Variants in CTBP1 observed in about 807,000 individuals in gnomAD.
CTBP1 encodes the protein C-terminal-binding protein 1.
Under a neutral mutation model 42.1 loss-of-function variants are expected in CTBP1, and 11 were observed. The observed-to-expected ratio is 0.26, with a 90% CI of 0.16 to 0.43. The LOEUF (loss-of-function observed/expected upper bound fraction) is 0.43. Among genes scored for constraint, CTBP1 ranks in the 20% least tolerant of loss-of-function variants. The pLI, the probability that CTBP1 is intolerant of heterozygous loss-of-function variation, is 1.00. For missense variants in CTBP1, 399 were observed against 624.3 expected (o/e 0.64, Z 3.85); for synonymous variants, 324 against 277.1 (o/e 1.17, Z -1.68).
In CTBP1 at chr4:1,244,044, G is replaced by C. The variant is rs1031350948; in HGVS notation, c.-188-2525C>G. 3 of 985,328 alleles carry C rather than the reference G, an allele frequency of 3.0e-6. No individual in the cohort carries two copies. In the African/African-American group the frequency reaches 5.2e-5, roughly 17 times the overall value. 61.0% of individuals were successfully genotyped at this position (985,328 alleles called of 1,614,324 possible). A position where few individuals can be genotyped will look rare whatever the true frequency, so the allele number is the denominator to read the frequency against. Reference sequence around the variant, plus strand: ...AAAACTGATTTTAAAGTAAATGGGGGTGAGGTGAGGGGCAGCAGCCCCCAG... The same window carrying C: ...AAAACTGATTTTAAAGTAAATGGGGCTGAGGTGAGGGGCAGCAGCCCCCAG... On this transcript the variant is annotated intron_variant, in intron 1 of 9. Transcript: ENST00000382952.
upstream of CTBP1, chr4:1,249,665 G>T: frequency 2.4e-6 from 1 of 425,346 alleles, no homozygotes; most frequent in African/African-American, 2.1e-5. Context: ...AGAGCCGGCG[G>T]CACATGGGAC....
At chr4:1,228,025 GA>G (rs1730567665) in intron 4 of CTBP1, among the ~76,000 whole-genome samples, 173 bp downstream of exon 4, 1 of 152,198 alleles carries the variant, frequency 6.6e-6, no homozygotes, top group Admixed American at 6.5e-5. Context: ...GCTCTGTGAG[GA>G]ACTGAATGGC....
At chr4:1,216,341 A>C in intron 5 of CTBP1, 136 bp from the exon 6 acceptor site, 1 of 890,354 alleles carries the variant, frequency 1.1e-6, no homozygotes, top group Non-Finnish European at 1.7e-6. Context: ...TGGTCAAGCC[A>C]AGGTGCCCAC....
chr4:1,223,589 G>T, intron 5 of CTBP1: 1 of 430,356 alleles, frequency 2.3e-6, no homozygotes, highest in Non-Finnish European at 4.7e-6. Flanking sequence ...TCCCCATGGG[G>T]CCTCCTGAGG....
chr4:1,237,918 C>T (rs536415642), intron 3 of CTBP1: 43 of 700,158 alleles, frequency 6.1e-5, no homozygotes, highest in African/African-American at 4.1e-4. Context: ...TCAGGACAAA[C>T]GTGGTGTCCA....
At chr4:1,236,539 C>T in intron 3 of CTBP1, 1 of 634,012 alleles carries the variant, frequency 1.6e-6, no homozygotes, top group Non-Finnish European at 2.9e-6. Flanking sequence ...ACCCGGTGTC[C>T]ACCTCCTGAT....
rs112643503 is a variant in CTBP1 at position 1,230,462 on chromosome 4, C to T, written c.163-2119G>A. Among the ~76,000 whole-genome samples, 409 of 152,274 alleles carry T rather than the reference C, an allele frequency of 2.7e-3. 1 individual carries two copies. Among genetic ancestry groups the T allele is most frequent in the African/African-American group, 8.3e-3 (347 of 41,570 alleles). On this transcript the variant is annotated intron_variant, in intron 3 of 9. Transcript: ENST00000382952. ...GGGCAGGAGGGGCTGCGCATGCGAG[C>T]GGTGGGCAGAGGCGCAGTGGGAGAT...
chr4:1,212,684 C>T, intron 9 of CTBP1: 1 of 611,188 alleles, frequency 1.6e-6, no homozygotes. Flanking sequence ...GGCCCCGTGC[C>T]CATGGCACTC....
In CTBP1 at chr4:1,213,693, G is replaced by T; in HGVS notation, c.861-88C>A. ...TGGCTGGGCACTGGAACCCCCTGTGGGGGGCCCTGCCTGGGAACCACAGAC... is the reference window on the plus strand; with the variant it reads ...TGGCTGGGCACTGGAACCCCCTGTGTGGGGCCCTGCCTGGGAACCACAGAC... On this transcript the variant is annotated intron_variant, in intron 7 of 9. Coordinates refer to ENST00000382952, the MANE Select transcript of CTBP1 (RefSeq NM_001012614.2). The T allele has an allele frequency of 2.0e-6, 3 of 1,506,804 alleles. 1 individual carries two copies. The South Asian group carries it at 3.7e-5, about 19-fold the overall frequency. 93.3% of individuals were successfully genotyped at this position (1,506,804 alleles called of 1,614,324 possible).
Position 1,248,994 on chromosome 4 carries a change from C to T in CTBP1, c.-267G>A. ...CGGCCGCGGGCCCCGACCACTCCGG[C>T]GCGCTGCGCCGCCGCGAGCCCGGCG... On this transcript the variant is annotated 5_prime_UTR_variant, in exon 1 of 10. Transcript: ENST00000382952. 1.0e-6 allele frequency: 1 copy of T among 959,908 alleles called. No homozygotes were observed. The highest frequency in any genetic ancestry group is 1.8e-5 in the African/African-American group (1 of 55,934). 59.5% of individuals were successfully genotyped at this position (959,908 alleles called of 1,614,324 possible). A position where few individuals can be genotyped will look rare whatever the true frequency, so the allele number is the denominator to read the frequency against.
chr4:1,224,628 TGTG>T (rs1044267028), intron 5 of CTBP1, among the ~76,000 whole-genome samples: 9 of 150,598 alleles, frequency 6.0e-5, no homozygotes, highest in Admixed American at 3.3e-4. Flanking sequence ...GTATGTGTGC[TGTG>T]GTGTTGTGTG....
chr4:1,243,876 GAC>G, intron 1 of CTBP1: 1 of 985,474 alleles, frequency 1.0e-6, no homozygotes, highest in Non-Finnish European at 1.2e-6. Flanking sequence ...GCGACACGAG[GAC>G]AGTCTCCAGC....
At chr4:1,213,299 C>G (rs369123510) in intron 8 of CTBP1, among the ~76,000 whole-genome samples, 179 bp downstream of exon 8, 2 of 152,300 alleles carry the variant, frequency 1.3e-5, no homozygotes, top group Non-Finnish European at 2.9e-5. Context: ...GTGTAAGACA[C>G]GACGCCAGGG....
chr4:1,229,845 C>G (rs528988962), intron 3 of CTBP1, among the ~76,000 whole-genome samples: 229 of 152,312 alleles, frequency 1.5e-3, no homozygotes, highest in African/African-American at 5.2e-3. Flanking sequence ...TCCTGCCCAC[C>G]GCAGGGGACC....
intron 6 of CTBP1, among the ~76,000 whole-genome samples, chr4:1,215,388 C>G (rs1728999980): frequency 6.6e-6 from 1 of 152,268 alleles, no homozygotes. Flanking sequence ...TGCCCACACA[C>G]ATACACATCA....
At position 1,241,410 on chromosome 4, in the gene CTBP1, C is replaced by T. The variant is rs1347799028; in HGVS notation, c.-79G>A. ...TTATCTTCAGGATCCCCAGGCAGAACCGCGTCCTGTCTCGGAGCCTCATCC... is the reference window on the plus strand; with the variant it reads ...TTATCTTCAGGATCCCCAGGCAGAATCGCGTCCTGTCTCGGAGCCTCATCC... On this transcript the variant is annotated 5_prime_UTR_variant, in exon 2 of 10. Transcript: ENST00000382952. 4 of 1,339,890 alleles carry T rather than the reference C, an allele frequency of 3.0e-6. No homozygotes were observed. The highest frequency in any genetic ancestry group is 4.3e-6 in the Non-Finnish European group (4 of 929,790). The allele number at this position is 1,339,890 out of a possible 1,614,324, so 83.0% of individuals were successfully genotyped here. A position where few individuals can be genotyped will look rare whatever the true frequency, so the allele number is the denominator to read the frequency against.
chr4:1,222,881 C>T (rs980618130), intron 5 of CTBP1, among the ~76,000 whole-genome samples: 7 of 152,148 alleles, frequency 4.6e-5, no homozygotes, highest in Non-Finnish European at 8.8e-5. Context: ...AACACACCCA[C>T]CTACTCTTAC....
upstream of CTBP1, chr4:1,249,785 T>G (rs1680032): frequency 9.8e-5 from 26 of 264,366 alleles, no homozygotes; most frequent in Non-Finnish European, 2.1e-4. Flanking sequence ...GGAGAACCCC[T>G]TCCCCGACCC....
Position 1,242,504 on chromosome 4 carries a change from G to A in CTBP1, c.-188-985C>T. 3.0e-6 allele frequency: 3 copies of A among 985,082 alleles called. No homozygotes were observed. In the African/African-American group the frequency reaches 5.3e-5, roughly 17 times the overall value. 61.0% of individuals were successfully genotyped at this position (985,082 alleles called of 1,614,324 possible). ...GCCGCCCCTGCGCAGAGGCCTCGCA[G>A]ACAAATCTCCAACCCTCAACTCCCT... On this transcript the variant is annotated intron_variant, in intron 1 of 9. Coordinates refer to ENST00000382952, the MANE Select transcript of CTBP1 (RefSeq NM_001012614.2).
Sources: allele counts gnomAD v4.1 joint callset (sites outside exome capture counted in the v4.1 genomes callset), GRCh38; gene constraint gnomAD v4.1.1; transcripts MANE v1.5; gene names NCBI Gene and HGNC (gene_info 2026-07-23, HGNC 2026-07-21).